Variants in G6PD observed in about 807,000 individuals in gnomAD.
G6PD encodes the protein glucose-6-phosphate dehydrogenase.
In G6PD, 2 loss-of-function variants were observed where a neutral mutation model predicts 38.2. The observed-to-expected ratio is 0.05, with a 90% CI of 0.02 to 0.16. The LOEUF is 0.16. Among genes scored for constraint, G6PD ranks in the 10% least tolerant of loss-of-function variants. The probability of loss-of-function intolerance (pLI) is 1.00; values close to 1 mark genes in which losing one functional copy is unlikely to be tolerated. For missense variants in G6PD, 310 were observed against 471.6 expected (o/e 0.66, Z 3.17); for synonymous variants, 188 against 196.0 (o/e 0.96, Z 0.34).
intron 2 of G6PD, among the ~76,000 whole-genome samples, chrX:154,537,326 A>C (rs1238305913): frequency 1.8e-5 from 2 of 110,797 alleles, no homozygotes; most frequent in East Asian, 5.7e-4. Context: ...AAACAAAAAA[A>C]CAACTAAACA....
chrX:154,535,829 G>A (rs1365690617), intron 4 of G6PD, 108 bp downstream of exon 4: 2 of 629,169 alleles, frequency 3.2e-6, no homozygotes, highest in Non-Finnish European at 5.2e-6. Context: ...GGGCAGGAGA[G>A]GAGGAGAGCA....
rs372876649 is a variant in G6PD, at chrX:154,533,571, C to T, written c.864+5G>A. ...TGCTCCTGGGGACTGGGGTGCACCC[C>T]CTACCTTCTCATCACGGACGTCATC... On this transcript the variant is annotated splice_donor_5th_base_variant and intron_variant, in intron 8 of 12. Transcript: ENST00000393562. 5.8e-6 allele frequency: 7 copies of T among 1,210,744 alleles called. No homozygotes were observed. Among genetic ancestry groups the T allele is most frequent in the Non-Finnish European group, 7.8e-6 (7 of 895,186 alleles).
At chrX:154,534,638 TC>T in intron 5 of G6PD, 142 bp from the exon 6 acceptor site, 1 of 691,326 alleles carries the variant, frequency 1.4e-6, no homozygotes, top group Non-Finnish European at 2.2e-6. Context: ...TGCCTTGTGT[TC>T]CCAGATGACC....
intron 7 of G6PD, 59 bp downstream of exon 7, chrX:154,533,976 C>T: frequency 8.3e-7 from 1 of 1,209,160 alleles, no homozygotes; most frequent in Non-Finnish European, 1.1e-6. Context: ...AGTAGCCCTG[C>T]AGGGTGACTG....
chrX:154,539,539 G>A (rs1199966779), intron 2 of G6PD, among the ~76,000 whole-genome samples: 1 of 110,859 alleles, frequency 9.0e-6, no homozygotes, highest in East Asian at 2.8e-4. Flanking sequence ...ATGGAGCGGA[G>A]GGTGGGGAGT....
chrX:154,537,660 C>T (rs1275837140), intron 2 of G6PD, among the ~76,000 whole-genome samples: 2 of 111,861 alleles, frequency 1.8e-5, no homozygotes, highest in Non-Finnish European at 3.8e-5. Flanking sequence ...GGGACAGTGG[C>T]CACAAATCTT....
chrX:154,540,656 A>AC (rs1217243196), intron 2 of G6PD, among the ~76,000 whole-genome samples: 1 of 105,923 alleles, frequency 9.4e-6, no homozygotes, highest in Non-Finnish European at 2.0e-5. Flanking sequence ...AAAAAAAAAA[A>AC]CACATGCTCT....
intron 2 of G6PD, chrX:154,541,096 G>A (rs1439150979): frequency 9.0e-6 from 1 of 111,566 alleles, no homozygotes; most frequent in Non-Finnish European, 1.9e-5. Context: ...ACTGGACCCT[G>A]AAATAAACGG....
intron 8 of G6PD, 92 bp downstream of exon 8, chrX:154,533,484 C>T (rs1603411438): frequency 9.1e-6 from 10 of 1,099,723 alleles, no homozygotes; most frequent in Non-Finnish European, 1.2e-5. Flanking sequence ...GGGTTGAGGA[C>T]ACCTGCTCTG....
At chrX:154,534,237 G>A in intron 6 of G6PD, 77 bp from the exon 7 acceptor site, 2 of 1,205,396 alleles carry the variant, frequency 1.7e-6, no homozygotes, top group Admixed American at 2.2e-5. Flanking sequence ...GGTCACCCTT[G>A]TCTGAGTTCT....
At chrX:154,542,580 G>T in intron 2 of G6PD, 1 of 895,792 alleles carries the variant, frequency 1.1e-6, no homozygotes, top group Non-Finnish European at 1.5e-6. Context: ...CAAGTGTGAG[G>T]TAAGCTGGCC....
At chrX:154,536,782 A>G (rs191182325) in intron 2 of G6PD, among the ~76,000 whole-genome samples, 3,002 of 111,773 alleles carry the variant, frequency 0.027, 106 homozygotes, top group African/African-American at 0.092. Flanking sequence ...GTGAGCCGAG[A>G]TCGTGCCACT....
At chrX:154,546,214 G>A (rs377747760) in intron 1 of G6PD, 51 bp from the exon 2 acceptor site, 11 of 1,199,585 alleles carry the variant, frequency 9.2e-6, no homozygotes, top group Non-Finnish European at 1.0e-5. Flanking sequence ...AGAGCATTGA[G>A]AAGTTAGCCC....
At chrX:154,547,496 C>T (rs782210256), upstream of G6PD, 10 of 754,331 alleles carry the variant, frequency 1.3e-5, no homozygotes, top group South Asian at 6.8e-4. Flanking sequence ...CAGAGCCTGG[C>T]GGACTCAGAC....
At chrX:154,536,328 C>T (rs2070408488) in intron 2 of G6PD, 150 bp from the exon 3 acceptor site, 2 of 531,817 alleles carry the variant, frequency 3.8e-6, no homozygotes, top group East Asian at 7.3e-5. Context: ...ACAGAAGAGC[C>T]CCGAGATTCA....
Position 154,546,787 on chromosome X carries a change from A to G in G6PD, c.-9+2T>C. 8.6e-7 allele frequency: 1 copy of G among 1,158,878 alleles called. No homozygotes were observed. The highest frequency in any genetic ancestry group is 1.1e-6 in the Non-Finnish European group (1 of 870,462). ...CTGCGCGGCGCCCGCCCGGCCGGTT[A>G]CCTGCGCTTCGTCGTCGTCGCCCTC... is the stretch of plus-strand genomic sequence containing the variant. On this transcript the variant is annotated splice_donor_variant, in intron 1 of 12. Coordinates refer to ENST00000393562, the MANE Select transcript of G6PD (RefSeq NM_001360016.2). LOFTEE classifies it low-confidence loss of function (5UTR_SPLICE).
At chrX:154,533,228 GC>G in intron 8 of G6PD, 100 bp from the exon 9 acceptor site, 2 of 974,675 alleles carry the variant, frequency 2.1e-6, no homozygotes, top group Non-Finnish European at 2.9e-6. Flanking sequence ...GCAGGAGGAG[GC>G]CCCTGCTTGG....
At chrX:154,546,963 C>CGGGCG (rs1247427833), upstream of G6PD, 12 of 329,547 alleles carry the variant, frequency 3.6e-5, no homozygotes, top group South Asian at 4.2e-4. Context: ...ACCCCTCGTG[C>CGGGCG]GGGCGGGGCG....
chrX:154,533,880 T>C, intron 7 of G6PD, 155 bp downstream of exon 7: 1 of 1,194,387 alleles, frequency 8.4e-7, no homozygotes, highest in Non-Finnish European at 1.1e-6. Flanking sequence ...TGTGTAGGGG[T>C]CCAGCCCTTT....
Sources: allele counts gnomAD v4.1 joint callset (sites outside exome capture counted in the v4.1 genomes callset), GRCh38; gene constraint gnomAD v4.1.1; transcripts MANE v1.5; gene names NCBI Gene and HGNC (gene_info 2026-07-23, HGNC 2026-07-21).